SH3TC2: variants seen among roughly 807,000 people sequenced by gnomAD.
SH3TC2 encodes SH3 domain and tetratricopeptide repeats 2.
A neutral mutation model predicts 124.5 loss-of-function variants in SH3TC2; 87 were observed. The ratio of observed to expected loss-of-function variants is 0.70; its 90% confidence interval spans 0.59 to 0.84. The LOEUF is 0.84. Ranked by LOEUF, SH3TC2 falls within the 40% of genes least tolerant of loss-of-function variation. The probability of loss-of-function intolerance (pLI) is 0.00; values close to 1 mark genes in which losing one functional copy is unlikely to be tolerated. For missense variants in SH3TC2, 1,536 were observed against 1,566.4 expected (o/e 0.98, Z 0.33); for synonymous variants, 634 against 628.5 (o/e 1.01, Z -0.13).
intron 11 of SH3TC2, 46 bp downstream of exon 11, chr5:149,026,814 C>A: frequency 6.2e-7 from 1 of 1,614,158 alleles, no homozygotes; most frequent in Non-Finnish European, 8.5e-7. Context: ...AAAACTTGAT[C>A]CAACACTTTT....
chr5:149,025,963 T>C (rs1161335739), intron 12 of SH3TC2: 2 of 153,304 alleles, frequency 1.3e-5, no homozygotes, highest in Non-Finnish European at 2.9e-5. Context: ...GTTGAAATTG[T>C]AATCTAAATA....
At chr5:149,037,903 C>G (rs965132591) in intron 8 of SH3TC2, among the ~76,000 whole-genome samples, 11 of 152,124 alleles carry the variant, frequency 7.2e-5, no homozygotes, top group African/African-American at 2.7e-4. Flanking sequence ...TGGGACCCAC[C>G]TCCCAGCCCT....
At chr5:149,037,588 G>A (rs748034177) in intron 8 of SH3TC2, among the ~76,000 whole-genome samples, 8 of 152,076 alleles carry the variant, frequency 5.3e-5, no homozygotes, top group Non-Finnish European at 1.2e-4. Context: ...GTCAGTGTTA[G>A]GAGCCAACTC....
Position 149,028,574 on chromosome 5 carries a change from T to C in SH3TC2, c.1178-20A>G, listed in dbSNP as rs1253359268. The C allele has an allele frequency of 1.2e-6, 2 of 1,613,998 alleles. No individual in the cohort carries two copies. Among genetic ancestry groups the C allele is most frequent in the Non-Finnish European group, 1.7e-6 (2 of 1,180,016 alleles). The stretch of plus-strand genomic sequence containing the variant: ...GGGATGCTGTAAGGACAGGCAAAGT[T>C]GAGCAACCTTGGGCACCTGCACCTA... On this transcript the variant is annotated intron_variant, in intron 10 of 16. Coordinates refer to ENST00000515425, the MANE Select transcript of SH3TC2 (RefSeq NM_024577.4).
rs756220235 is a variant in SH3TC2, at chr5:148,989,848, C to T, written c.*14863G>A. Among the ~76,000 whole-genome samples the T allele has an allele frequency of 6.6e-5, 10 of 152,134 alleles. No individual in the cohort carries two copies. Among genetic ancestry groups the T allele is most frequent in the Non-Finnish European group, 1.5e-4 (10 of 68,040 alleles). On this transcript the variant is annotated 3_prime_UTR_variant, in exon 17 of 17. Coordinates refer to ENST00000515425, the MANE Select transcript of SH3TC2 (RefSeq NM_024577.4). Reference sequence around the variant, plus strand: ...GAGAAGAACTATATAGCAACCAGGACATTTGGGAAATGTCCCTATGAATCA... The same window carrying T: ...GAGAAGAACTATATAGCAACCAGGATATTTGGGAAATGTCCCTATGAATCA...
intron 2 of SH3TC2, among the ~76,000 whole-genome samples, chr5:149,049,369 G>A (rs1477477581): frequency 2.6e-5 from 4 of 152,212 alleles, no homozygotes; most frequent in Admixed American, 2.6e-4. Flanking sequence ...ACTTGGCTCT[G>A]CCCCTCAATA....
intron 1 of SH3TC2, chr5:149,062,447 C>T (rs1754769660): frequency 2.0e-6 from 1 of 499,026 alleles, no homozygotes; most frequent in Non-Finnish European, 4.1e-6. Context: ...CTTAGAGCAA[C>T]AACTCTCCAT....
chr5:148,986,876 C>T lies in SH3TC2; in HGVS notation c.*17835G>A, dbSNP rs553905178. Among the ~76,000 whole-genome samples, 5 of 152,084 alleles carry T rather than the reference C, an allele frequency of 3.3e-5. No homozygotes were observed. In the South Asian group the frequency reaches 1.0e-3, roughly 32 times the overall value. ...TGTTAACTTGTTAAAACAGTTACAC[C>T]CAAAAAATGCTGAGATTATTTAACA... On this transcript the variant is annotated 3_prime_UTR_variant, in exon 17 of 17. Coordinates refer to ENST00000515425, the MANE Select transcript of SH3TC2 (RefSeq NM_024577.4).
chr5:149,019,035 C>G (rs985724298), intron 12 of SH3TC2, among the ~76,000 whole-genome samples: 1 of 152,200 alleles, frequency 6.6e-6, no homozygotes, highest in Non-Finnish European at 1.5e-5. Context: ...ATGCAAATCC[C>G]TAGAGGGGAA....
intron 3 of SH3TC2, chr5:149,046,705 G>A (rs1754469667): frequency 2.0e-5 from 3 of 152,118 alleles, no homozygotes. Context: ...TCAAGCTTCA[G>A]CCCAGCAGAC....
Position 148,992,806 on chromosome 5 carries a change from C to CG in SH3TC2, c.*11904_*11905insC, listed in dbSNP as rs1202247622. ...ACTACATCACACTGAGCTAACTCAT[C>CG]CCTGCAACATGCACCAAGAGTCTTC... On this transcript the variant is annotated 3_prime_UTR_variant, in exon 17 of 17. Coordinates refer to ENST00000515425, the MANE Select transcript of SH3TC2 (RefSeq NM_024577.4). Among the ~76,000 whole-genome samples, 1 of 152,052 alleles carries CG rather than the reference C, an allele frequency of 6.6e-6. No homozygotes were observed. Among genetic ancestry groups the CG allele is most frequent in the Non-Finnish European group, 1.5e-5 (1 of 67,994 alleles).
intron 1 of SH3TC2, chr5:149,062,346 C>G (rs1754767962): frequency 1.9e-6 from 1 of 533,380 alleles, no homozygotes; most frequent in Non-Finnish European, 3.9e-6. Context: ...CCTGGTTGGC[C>G]TGGAACTGAC....
At chr5:149,042,298 C>G (rs997470762) in intron 5 of SH3TC2, among the ~76,000 whole-genome samples, 2 of 152,208 alleles carry the variant, frequency 1.3e-5, no homozygotes, top group African/African-American at 4.8e-5. Flanking sequence ...ACATTTGCAA[C>G]TTTATTTTAC....
intron 8 of SH3TC2, among the ~76,000 whole-genome samples, chr5:149,033,507 C>A (rs756626655): frequency 1.3e-5 from 2 of 152,130 alleles, no homozygotes; most frequent in Non-Finnish European, 2.9e-5. Flanking sequence ...GCAGATGGCC[C>A]AGAGCTCCTG....
At position 149,000,659 on chromosome 5, in the gene SH3TC2, A is replaced by G. The variant is rs147125913; in HGVS notation, c.*4052T>C. 6.8e-3 allele frequency among the ~76,000 whole-genome samples: 1,032 copies of G among 152,304 alleles called. 7 individuals carry two copies. The highest frequency in any genetic ancestry group is 8.2e-3 in the Non-Finnish European group (555 of 68,028). ...CATGCATACATACACACACGTGTAC[A>G]TATACACACACAACTGTGAAGGAAG... On this transcript the variant is annotated 3_prime_UTR_variant, in exon 17 of 17. Transcript: ENST00000515425.
In SH3TC2 at chr5:149,038,465, C is replaced by A. The variant is rs750308484; in HGVS notation, c.831G>T (p.Thr277=). 2 of 1,614,064 alleles carry A rather than the reference C, an allele frequency of 1.2e-6. No individual in the cohort carries two copies. Among genetic ancestry groups the A allele is most frequent in the Non-Finnish European group, 8.5e-7 (1 of 1,179,938 alleles). The part of the protein sequence containing the change: ...QIGRGRCKAL[T]GYEPGEKDEL... ...CATCCTTTTCTCCTGGCTCATAACC[C>A]GTCAAGGCCTTACAGCGTCCTCTGC... The change falls in exon 8 of 17, where the codon ACG becomes ACT. Residue 277 remains threonine (T), a synonymous_variant. Coordinates refer to ENST00000515425, the MANE Select transcript of SH3TC2 (RefSeq NM_024577.4).
At position 149,048,759 on chromosome 5, in the gene SH3TC2, A is replaced by G. The variant is rs1053429272; in HGVS notation, c.152-770T>C. On this transcript the variant is annotated intron_variant, in intron 2 of 16. Coordinates refer to ENST00000515425, the MANE Select transcript of SH3TC2 (RefSeq NM_024577.4). ...ATAGTTTCAGATGGAGAAGAGCGCT[A>G]TGAAAAAAAATTAATGGGGTCAAGA... 1.3e-5 allele frequency among the ~76,000 whole-genome samples: 2 copies of G among 152,258 alleles called. 1 individual carries two copies. The highest frequency in any genetic ancestry group is 4.1e-4 in the South Asian group (2 of 4,820).
intron 8 of SH3TC2, among the ~76,000 whole-genome samples, chr5:149,037,350 A>T (rs1399206471): frequency 2.0e-5 from 3 of 152,146 alleles, no homozygotes; most frequent in African/African-American, 7.2e-5. Flanking sequence ...GAGCTCAGTG[A>T]GTGGTCTTCC....
At position 148,988,284 on chromosome 5, in the gene SH3TC2, T is replaced by C. The variant is rs983569714; in HGVS notation, c.*16427A>G. Among the ~76,000 whole-genome samples, 1 of 152,202 alleles carries C rather than the reference T, an allele frequency of 6.6e-6. No homozygotes were observed. Among genetic ancestry groups the C allele is most frequent in the Non-Finnish European group, 1.5e-5 (1 of 68,034 alleles). On this transcript the variant is annotated 3_prime_UTR_variant, in exon 17 of 17. Transcript: ENST00000515425. ...TCCTACCCCAGATGGGAATGTTATC[T>C]GGTCTTGTAAAGCTGCCTTACTATC...
Sources: gnomAD v4.1 joint callset for allele counts (sites outside exome capture counted in the v4.1 genomes callset) on GRCh38, gnomAD v4.1.1 for gene constraint, MANE v1.5 for transcripts, NCBI Gene and HGNC (gene_info 2026-07-23, HGNC 2026-07-21) for gene names.